The following C12orf42 variants were observed in gnomAD, a reference collection of about 807,000 sequenced individuals.
C12orf42 encodes the protein uncharacterized protein C12orf42.
In C12orf42, 25 loss-of-function variants were observed where a neutral mutation model predicts 21.6. The ratio of observed to expected loss-of-function variants is 1.16; its 90% confidence interval spans 0.84 to 1.62. The LOEUF (loss-of-function observed/expected upper bound fraction) is 1.62, where lower values mean the gene tolerates loss of function less well. Among genes scored for constraint, C12orf42 ranks in the 40% most tolerant of loss-of-function variants. The pLI is 0.00. For missense variants in C12orf42, 483 were observed against 459.3 expected (o/e 1.05, Z -0.47); for synonymous variants, 174 against 175.0 (o/e 0.99, Z 0.05).
the C12orf42 span, among the ~76,000 whole-genome samples, chr12:103,528,380 A>G: frequency 6.6e-6 from 1 of 152,236 alleles, no homozygotes; most frequent in Non-Finnish European, 1.5e-5. Context: ...CCTTTGCCTG[A>G]TGCTATAGTT....
chr12:103,324,638 T>C (rs1019564434), intron 4 of C12orf42, among the ~76,000 whole-genome samples: 7 of 152,156 alleles, frequency 4.6e-5, no homozygotes, highest in Non-Finnish European at 8.8e-5. Context: ...TACTTCAGAG[T>C]TTCTATTCAT....
At chr12:103,073,293 T>C in the C12orf42 span, among the ~76,000 whole-genome samples, 446 of 152,252 alleles carry the variant, frequency 2.9e-3, no homozygotes, top group Non-Finnish European at 5.2e-3. Flanking sequence ...AGTTTACCTA[T>C]GTAACAAACC....
the C12orf42 span, among the ~76,000 whole-genome samples, chr12:103,166,076 AGAAG>A: frequency 4.5e-4 from 68 of 150,914 alleles, no homozygotes; most frequent in South Asian, 1.5e-3. Flanking sequence ...AGAGAGAGAG[AGAAG>A]GAAGGAAGGA....
intron 1 of C12orf42, among the ~76,000 whole-genome samples, chr12:103,486,908 C>T (rs1184771140): frequency 6.6e-6 from 1 of 152,186 alleles, no homozygotes. Flanking sequence ...AAAAAACCAG[C>T]TCCTGGATTC....
the C12orf42 span, among the ~76,000 whole-genome samples, chr12:103,561,536 T>C: frequency 1.1e-4 from 16 of 152,150 alleles, no homozygotes; most frequent in Non-Finnish European, 1.9e-4. Context: ...GCAATCTCAC[T>C]AATAAGGACT....
At chr12:103,555,381 C>T in the C12orf42 span, among the ~76,000 whole-genome samples, 2 of 152,094 alleles carry the variant, frequency 1.3e-5, no homozygotes, top group Non-Finnish European at 2.9e-5. Flanking sequence ...TATTCACTAT[C>T]ACGAGAACAG....
the C12orf42 span, chr12:103,548,075 T>C: frequency 1.3e-5 from 2 of 152,224 alleles, no homozygotes; most frequent in Non-Finnish European, 2.9e-5. Context: ...GTTTTACTAA[T>C]CTGAATTGAC....
the C12orf42 span, among the ~76,000 whole-genome samples, chr12:103,511,702 C>G: frequency 6.6e-6 from 1 of 152,182 alleles, no homozygotes; most frequent in Non-Finnish European, 1.5e-5. Context: ...GGTGGAGACA[C>G]ACTCACTCAC....
chr12:103,523,379 A>G, the C12orf42 span, among the ~76,000 whole-genome samples: 1 of 152,022 alleles, frequency 6.6e-6, no homozygotes, highest in Non-Finnish European at 1.5e-5. Context: ...TTTGGCCATT[A>G]TATGTCTTCT....
chr12:103,187,375 T>G, the C12orf42 span, among the ~76,000 whole-genome samples: 1 of 152,170 alleles, frequency 6.6e-6, no homozygotes, highest in Non-Finnish European at 1.5e-5. Flanking sequence ...CATTAATGAT[T>G]AATGCAGATA....
At chr12:103,513,017 A>G in the C12orf42 span, among the ~76,000 whole-genome samples, 1 of 150,804 alleles carries the variant, frequency 6.6e-6, no homozygotes, top group Non-Finnish European at 1.5e-5. Flanking sequence ...AAAAAAAAAA[A>G]GTAGATAGTA....
chr12:103,342,364 C>T, intron 4 of C12orf42, among the ~76,000 whole-genome samples: 1 of 152,082 alleles, frequency 6.6e-6, no homozygotes, highest in East Asian at 1.9e-4. Context: ...AGGATTGATG[C>T]CTTCTTGGGT....
chr12:103,184,302 C>A, the C12orf42 span, among the ~76,000 whole-genome samples: 8 of 152,238 alleles, frequency 5.3e-5, no homozygotes, highest in East Asian at 1.2e-3. Context: ...TTATATAATG[C>A]CCCACTTGGT....
chr12:103,355,244 G>A (rs2043434258), intron 4 of C12orf42, among the ~76,000 whole-genome samples: 1 of 152,086 alleles, frequency 6.6e-6, no homozygotes, highest in Non-Finnish European at 1.5e-5. Flanking sequence ...TCTGTGGTCT[G>A]TGGCATAATC....
chr12:103,320,679 T>C (rs1204071304), intron 4 of C12orf42, among the ~76,000 whole-genome samples: 1 of 152,186 alleles, frequency 6.6e-6, no homozygotes, highest in Admixed American at 6.5e-5. Context: ...TATGGGGTTC[T>C]GGTTATTAAA....
At chr12:103,060,087 A>G in the C12orf42 span, among the ~76,000 whole-genome samples, 1 of 152,174 alleles carries the variant, frequency 6.6e-6, no homozygotes, top group Non-Finnish European at 1.5e-5. Context: ...ATACCCCATC[A>G]TCTCAGCCCC....
chr12:103,117,313 G>A, the C12orf42 span, among the ~76,000 whole-genome samples: 1 of 151,960 alleles, frequency 6.6e-6, no homozygotes, highest in Non-Finnish European at 1.5e-5. Context: ...TTAACATACT[G>A]TTTCTGGCTT....
Position 103,460,910 on chromosome 12 carries a change from G to C in C12orf42, c.78+17439C>G, listed in dbSNP as rs1952656239. Among the ~76,000 whole-genome samples, 3 of 152,074 alleles carry C rather than the reference G, an allele frequency of 2.0e-5. No individual in the cohort carries two copies. The South Asian group carries it at 6.2e-4, about 32-fold the overall frequency. On this transcript the variant is annotated intron_variant, in intron 2 of 5. Transcript: ENST00000548883. Reference sequence around the variant, plus strand: ...TCAGTTCTTGTTGCAGGGAGGAGTGGGTCAGAGGCAAGTTAGGAAGCGACT... The same window carrying C: ...TCAGTTCTTGTTGCAGGGAGGAGTGCGTCAGAGGCAAGTTAGGAAGCGACT...
At chr12:103,424,634 A>AT (rs1949651549) in intron 2 of C12orf42, among the ~76,000 whole-genome samples, 1 of 152,230 alleles carries the variant, frequency 6.6e-6, no homozygotes, top group South Asian at 2.1e-4. Flanking sequence ...GGAACAGTGC[A>AT]TTCCGGATAC....
Sources: allele counts gnomAD v4.1 joint callset (sites outside exome capture counted in the v4.1 genomes callset), GRCh38; gene constraint gnomAD v4.1.1; transcripts MANE v1.5; gene names NCBI Gene and HGNC (gene_info 2026-07-23, HGNC 2026-07-21).